The following SHLD1 variants were observed in gnomAD, a reference collection of about 807,000 sequenced individuals.
SHLD1 encodes RINN1-REV7-interacting novel NHEJ regulator 3.
Under a neutral mutation model 5.5 loss-of-function variants are expected in SHLD1, and 3 were observed. That is an observed-to-expected ratio of 0.54 (90% confidence interval 0.25 to 1.40). The LOEUF (loss-of-function observed/expected upper bound fraction) is 1.40. Among genes scored for constraint, SHLD1 ranks in the 40% most tolerant of loss-of-function variants. The pLI is 0.15. For synonymous variants in SHLD1, 92 were observed against 94.3 expected (o/e 0.98, Z 0.14); for missense variants, 210 against 244.4 (o/e 0.86, Z 0.94).
chr20:5,764,139 A>AAAAAATATATATAT (rs1555768309), intron 1 of SHLD1, among the ~76,000 whole-genome samples: 1 of 95,728 alleles, frequency 1.0e-5, no homozygotes, highest in African/African-American at 4.8e-5. Flanking sequence ...AAAAAAAAAA[A>AAAAAATATATATAT]ATATATATAT....
intron 2 of SHLD1, among the ~76,000 whole-genome samples, chr20:5,784,730 G>A (rs200982072): frequency 1.3e-5 from 2 of 152,194 alleles, no homozygotes; most frequent in African/African-American, 4.8e-5. Context: ...GATTACAGGC[G>A]TGAGCCACCG....
intron 2 of SHLD1, among the ~76,000 whole-genome samples, chr20:5,789,346 G>T (rs919334172): frequency 1.3e-5 from 2 of 151,962 alleles, no homozygotes; most frequent in South Asian, 2.1e-4. Flanking sequence ...GGAGGCCAAG[G>T]TGGGCAGATC....
intron 2 of SHLD1, among the ~76,000 whole-genome samples, chr20:5,817,426 C>CTGTG (rs1276438301): frequency 1.7e-4 from 22 of 127,028 alleles, no homozygotes; most frequent in African/African-American, 6.5e-4. Context: ...CTCTCTCTCT[C>CTGTG]TCTCTCTGTG....
At chr20:5,795,801 G>A (rs901156491) in intron 2 of SHLD1, among the ~76,000 whole-genome samples, 4 of 151,534 alleles carry the variant, frequency 2.6e-5, no homozygotes, top group Admixed American at 2.0e-4. Context: ...CTAACACGGT[G>A]AAACCCCGTC....
At chr20:5,768,952 C>T (rs1032755418) in intron 1 of SHLD1, among the ~76,000 whole-genome samples, 3 of 142,836 alleles carry the variant, frequency 2.1e-5, no homozygotes, top group Non-Finnish European at 4.5e-5. Context: ...CTCGTTTGGG[C>T]TGGAGTGCAT....
At chr20:5,811,998 G>A (rs544500151) in intron 2 of SHLD1, among the ~76,000 whole-genome samples, 60 of 152,052 alleles carry the variant, frequency 3.9e-4, no homozygotes, top group African/African-American at 1.4e-3. Context: ...TTAGTTCATA[G>A]GATTGCTATG....
At chr20:5,760,080 G>T (rs1250712665) in intron 1 of SHLD1, among the ~76,000 whole-genome samples, 1 of 151,964 alleles carries the variant, frequency 6.6e-6, no homozygotes, top group East Asian at 1.9e-4. Flanking sequence ...ATATTTAAGT[G>T]GCATTTCCAA....
chr20:5,753,145 G>A (rs1490817711), intron 1 of SHLD1, among the ~76,000 whole-genome samples: 1 of 152,156 alleles, frequency 6.6e-6, no homozygotes, highest in Non-Finnish European at 1.5e-5. Context: ...TCTGTCATGT[G>A]ATGCTATACC....
chr20:5,791,446 C>T (rs1377507950), intron 2 of SHLD1, among the ~76,000 whole-genome samples: 2 of 151,528 alleles, frequency 1.3e-5, no homozygotes, highest in Non-Finnish European at 2.9e-5. Context: ...CTCATGTAGT[C>T]CCAGCTACTT....
rs73596810 is a variant in SHLD1, at chr20:5,815,360, T to A, written c.178+42317T>A. ...AAAACCACTGCCTTAGAGCAGTGCT[T>A]CTCAAAATGTAATGTGACTATTAAC... On this transcript the variant is annotated intron_variant, in intron 2 of 2. Transcript: ENST00000303142. Among the ~76,000 whole-genome samples the A allele has an allele frequency of 6.9e-3, 1,046 of 152,212 alleles. 9 individuals carry two copies. The highest frequency in any genetic ancestry group is 0.024 in the African/African-American group (1,013 of 41,528).
intron 1 of SHLD1, among the ~76,000 whole-genome samples, chr20:5,753,055 T>C (rs1898502827): frequency 2.0e-5 from 3 of 152,146 alleles, no homozygotes; most frequent in Admixed American, 2.0e-4. Context: ...CGCCTCTGCC[T>C]CCCAAAGTGC....
intron 2 of SHLD1, among the ~76,000 whole-genome samples, chr20:5,858,450 C>G (rs1288572048): frequency 6.6e-6 from 1 of 152,188 alleles, no homozygotes; most frequent in Non-Finnish European, 1.5e-5. Context: ...CTATTAATCT[C>G]AAGTGCTCCA....
chr20:5,799,076 A>G (rs1239274853), intron 2 of SHLD1, among the ~76,000 whole-genome samples: 1 of 151,926 alleles, frequency 6.6e-6, no homozygotes, highest in Non-Finnish European at 1.5e-5. Context: ...GGTGGCGTTC[A>G]CTTGTAGTCC....
chr20:5,849,390 T>C (rs1044367550), intron 2 of SHLD1, among the ~76,000 whole-genome samples: 1 of 152,172 alleles, frequency 6.6e-6, no homozygotes, highest in African/African-American at 2.4e-5. Flanking sequence ...AAAGGAGGAT[T>C]GGCTTGGAGT....
In SHLD1 at chr20:5,806,911, A is replaced by T. The variant is rs75178581; in HGVS notation, c.178+33868A>T. 6.6e-6 allele frequency among the ~76,000 whole-genome samples: 1 copy of T among 152,246 alleles called. No individual in the cohort carries two copies. The highest frequency in any genetic ancestry group is 2.4e-5 in the African/African-American group (1 of 41,462). On this transcript the variant is annotated intron_variant, in intron 2 of 2. Coordinates refer to ENST00000303142, the MANE Select transcript of SHLD1 (RefSeq NM_152504.4). This position sits in a 1 kb window ranked among gnomAD's most constrained non-coding sequence, Gnocchi z 7.6. ...TATTTCCACTGAAGGACTTGATTTT[A>T]GCACCGAAGAGTGAGTGAGTGGTCG...
At chr20:5,774,455 G>C (rs558259324) in intron 2 of SHLD1, among the ~76,000 whole-genome samples, 3 of 152,150 alleles carry the variant, frequency 2.0e-5, no homozygotes, top group Admixed American at 2.0e-4. Flanking sequence ...GTACCTGACT[G>C]TGTTAGTTCA....
intron 2 of SHLD1, among the ~76,000 whole-genome samples, chr20:5,821,863 C>T (rs564331936): frequency 6.6e-6 from 1 of 152,268 alleles, no homozygotes; most frequent in South Asian, 2.1e-4. Context: ...CACAGTGAGT[C>T]GTGAGAGAGG....
intron 1 of SHLD1, among the ~76,000 whole-genome samples, chr20:5,751,033 T>G (rs1269523161): frequency 1.3e-5 from 2 of 152,078 alleles, no homozygotes; most frequent in Non-Finnish European, 2.9e-5. Context: ...TAAGGGTTTT[T>G]TTGTTGTTGT....
At chr20:5,853,129 T>C (rs180752048) in intron 2 of SHLD1, among the ~76,000 whole-genome samples, 2 of 152,302 alleles carry the variant, frequency 1.3e-5, no homozygotes, top group East Asian at 3.9e-4. Context: ...TGCCAGACAC[T>C]GTGTTAGGCC....
Sources: gnomAD v4.1 joint callset for allele counts (sites outside exome capture counted in the v4.1 genomes callset) on GRCh38, gnomAD v4.1.1 for gene constraint, Gnocchi (gnomAD v3.1) non-coding constraint, MANE v1.5 for transcripts, NCBI Gene and HGNC (gene_info 2026-07-23, HGNC 2026-07-21) for gene names.